CRTC3: variants seen among roughly 807,000 people sequenced by gnomAD.
The protein encoded by CRTC3 is CREB-regulated transcription coactivator 3.
Under a neutral mutation model 74.5 loss-of-function variants are expected in CRTC3, and 26 were observed. The observed-to-expected ratio is 0.35, with a 90% CI of 0.26 to 0.48. The LOEUF (loss-of-function observed/expected upper bound fraction) is 0.48. Ranked by LOEUF, CRTC3 falls within the 20% of genes least tolerant of loss-of-function variation. CRTC3 has a pLI of 0.99. For missense variants in CRTC3, 760 were observed against 787.3 expected (o/e 0.97, Z 0.41); for synonymous variants, 377 against 325.8 (o/e 1.16, Z -1.69).
At chr15:90,578,526 G>C (rs1476496658) in intron 2 of CRTC3, among the ~76,000 whole-genome samples, 3 of 151,850 alleles carry the variant, frequency 2.0e-5, no homozygotes, top group Non-Finnish European at 4.4e-5. Flanking sequence ...TGCACTTCAG[G>C]CTGGGCAACA....
chr15:90,595,367 T>C (rs1050585148), intron 3 of CRTC3: 1 of 152,100 alleles, frequency 6.6e-6, no homozygotes, highest in Non-Finnish European at 1.5e-5. Context: ...GGTCAGGAGA[T>C]TGAGACCATC....
intron 2 of CRTC3, among the ~76,000 whole-genome samples, chr15:90,554,956 C>T (rs1966876497): frequency 6.6e-6 from 1 of 152,166 alleles, no homozygotes; most frequent in African/African-American, 2.4e-5. Flanking sequence ...CTGTTCACTT[C>T]TATTTTGAGA....
Position 90,530,221 on chromosome 15 carries a change from CGCGGGCGGGGGCGGCCACGGCCGCGG to C in CRTC3, c.132+24_132+49del. ...TGTCGCGGGTGAGGGCCCGGGCCGG[CGCGGGCGGGGGCGGCCACGGCCGCGG>C]GCGGGACCCGCGCGGCGGGTGAGAG... On this transcript the variant is annotated intron_variant, in intron 1 of 14. Coordinates refer to ENST00000268184, the MANE Select transcript of CRTC3 (RefSeq NM_022769.5). The surrounding 1 kb of genome is among the most constrained non-coding windows in gnomAD (Gnocchi z 6.2). The C allele has an allele frequency of 8.8e-7, 1 of 1,130,836 alleles. No individual in the cohort carries two copies. The highest frequency in any genetic ancestry group is 1.1e-6 in the Non-Finnish European group (1 of 916,412). The allele number at this position is 1,130,836 out of a possible 1,614,324, so 70.1% of individuals were successfully genotyped here.
At position 90,533,574 on chromosome 15, in the gene CRTC3, A is replaced by T. The variant is rs145642995; in HGVS notation, c.132+3371A>T. The stretch of plus-strand genomic sequence containing the variant: ...GTTTGTGAGGGAGAAGAGTGAAAAC[A>T]TGGGGCTGTCCTTTAAAGATCTTAC... On this transcript the variant is annotated intron_variant, in intron 1 of 14. Transcript: ENST00000268184. Among the ~76,000 whole-genome samples, 1,300 of 152,218 alleles carry T rather than the reference A, an allele frequency of 8.5e-3. 20 individuals are homozygous for T. The highest frequency in any genetic ancestry group is 0.029 in the African/African-American group (1,206 of 41,528).
chr15:90,598,922 C>T (rs937897913), intron 3 of CRTC3: 6 of 178,294 alleles, frequency 3.4e-5, no homozygotes, highest in East Asian at 3.3e-4. Context: ...CTCCTGTGCC[C>T]GGAGGCTCCC....
intron 2 of CRTC3, 107 bp downstream of exon 2, chr15:90,540,244 G>A (rs1342730063): frequency 2.8e-6 from 2 of 720,808 alleles, no homozygotes; most frequent in Non-Finnish European, 4.5e-6. Flanking sequence ...CCTAGGTACA[G>A]TTCAGTCTTC....
chr15:90,636,005 C>T (rs1188377087), intron 11 of CRTC3, among the ~76,000 whole-genome samples: 1 of 152,050 alleles, frequency 6.6e-6, no homozygotes, highest in Non-Finnish European at 1.5e-5. Context: ...AGATTCAATG[C>T]CATCCCCATC....
At chr15:90,600,332 A>C (rs1968035049) in intron 3 of CRTC3, 1 of 152,228 alleles carries the variant, frequency 6.6e-6, no homozygotes, top group Non-Finnish European at 1.5e-5. Context: ...TGAGCTGCCC[A>C]GCCCAGGCCT....
Position 90,530,205 on chromosome 15 carries a change from T to G in CRTC3, c.132+2T>G. ...ATGACCGACCTCACCCTGTCGCGGGTGAGGGCCCGGGCCGGCGCGGGCGGG... is the reference window on the plus strand; with the variant it reads ...ATGACCGACCTCACCCTGTCGCGGGGGAGGGCCCGGGCCGGCGCGGGCGGG... On this transcript the variant is annotated splice_donor_variant, in intron 1 of 14. Transcript: ENST00000268184. LOFTEE classifies it high-confidence loss of function. The surrounding 1 kb of genome is among the most constrained non-coding windows in gnomAD (Gnocchi z 6.2). The G allele has an allele frequency of 1.6e-6, 2 of 1,233,538 alleles. No homozygotes were observed. Among genetic ancestry groups the G allele is most frequent in the Non-Finnish European group, 2.1e-6 (2 of 965,220 alleles). 76.4% of individuals were successfully genotyped at this position (1,233,538 alleles called of 1,614,324 possible).
At chr15:90,598,214 A>T in intron 3 of CRTC3, 1 of 555,436 alleles carries the variant, frequency 1.8e-6, no homozygotes, top group Non-Finnish European at 3.2e-6. Flanking sequence ...CTGCCCAGGT[A>T]CACTGACCGC....
chr15:90,558,509 G>A (rs1311991973), intron 2 of CRTC3, among the ~76,000 whole-genome samples: 1 of 152,006 alleles, frequency 6.6e-6, no homozygotes, highest in East Asian at 1.9e-4. Flanking sequence ...CTCACTCCAT[G>A]CCAGCCACAC....
chr15:90,558,665 A>G (rs1702395651), intron 2 of CRTC3, among the ~76,000 whole-genome samples: 1 of 151,934 alleles, frequency 6.6e-6, no homozygotes, highest in African/African-American at 2.4e-5. Context: ...CCTCTCTAAA[A>G]TCTAAATTCC....
chr15:90,641,403 A>C (rs1969436212), intron 14 of CRTC3: 1 of 567,560 alleles, frequency 1.8e-6, no homozygotes, highest in East Asian at 3.0e-5. Flanking sequence ...GCCTTTTCTG[A>C]AAGATTTCAT....
chr15:90,576,854 GGGAGTTGAGGAAGT>G (rs57817158), intron 2 of CRTC3, among the ~76,000 whole-genome samples: 98,479 of 151,652 alleles, frequency 0.65, 32,432 homozygotes, highest in South Asian at 0.85. Context: ...TGAGGTCTGT[GGGAGTTGAGGAAGT>G]GGAGTTGAGG....
intron 9 of CRTC3, among the ~76,000 whole-genome samples, chr15:90,620,532 C>T (rs1189956098): frequency 1.3e-5 from 2 of 152,088 alleles, no homozygotes; most frequent in African/African-American, 2.4e-5. Flanking sequence ...AGGCCCTTGC[C>T]TTAACAGAAA....
At chr15:90,628,702 C>T (rs1334151454) in intron 10 of CRTC3, among the ~76,000 whole-genome samples, 2 of 152,020 alleles carry the variant, frequency 1.3e-5, no homozygotes, top group Non-Finnish European at 2.9e-5. Flanking sequence ...AAGAGGGACC[C>T]TGGGGTGGGA....
chr15:90,580,232 G>C (rs1016672814), intron 2 of CRTC3, among the ~76,000 whole-genome samples: 1 of 152,052 alleles, frequency 6.6e-6, no homozygotes, highest in Non-Finnish European at 1.5e-5. Flanking sequence ...CTGTTCCCTT[G>C]TCTGGGTTCT....
Position 90,643,479 on chromosome 15 carries a change from C to G in CRTC3, c.*1339C>G. The G allele has an allele frequency of 4.4e-6, 1 of 229,210 alleles. No homozygotes were observed. The highest frequency in any genetic ancestry group is 8.7e-6 in the Non-Finnish European group (1 of 115,478). The allele number at this position is 229,210 out of a possible 1,614,324, so 14.2% of individuals were successfully genotyped here. A position where few individuals can be genotyped will look rare whatever the true frequency, so the allele number is the denominator to read the frequency against. ...CTGAGCAGGTGAGTGCCCTGAGCATCCTGGCTGGGCCCCACCCAGGAAGAT... is the reference window on the plus strand; with the variant it reads ...CTGAGCAGGTGAGTGCCCTGAGCATGCTGGCTGGGCCCCACCCAGGAAGAT... On this transcript the variant is annotated 3_prime_UTR_variant, in exon 15 of 15. Coordinates refer to ENST00000268184, the MANE Select transcript of CRTC3 (RefSeq NM_022769.5).
At position 90,628,014 on chromosome 15, in the gene CRTC3, G is replaced by A. The variant is rs557576348; in HGVS notation, c.968-1220G>A. Among the ~76,000 whole-genome samples, 359 of 150,484 alleles carry A rather than the reference G, an allele frequency of 2.4e-3. 1 individual carries two copies. The highest frequency in any genetic ancestry group is 8.1e-3 in the African/African-American group (334 of 41,116). On this transcript the variant is annotated intron_variant, in intron 10 of 14. Coordinates refer to ENST00000268184, the MANE Select transcript of CRTC3 (RefSeq NM_022769.5). ...GAGTGGATCACGAGGTCAGGAGATCGAGACCATCCTGGCTAACACGGTGAA... is the reference window on the plus strand; with the variant it reads ...GAGTGGATCACGAGGTCAGGAGATCAAGACCATCCTGGCTAACACGGTGAA...
Sources: allele counts gnomAD v4.1 joint callset (sites outside exome capture counted in the v4.1 genomes callset), GRCh38; gene constraint gnomAD v4.1.1; non-coding constraint Gnocchi (gnomAD v3.1); transcripts MANE v1.5; gene names NCBI Gene and HGNC (gene_info 2026-07-23, HGNC 2026-07-21).